ATP8A2: variants seen among roughly 807,000 people sequenced by gnomAD.
The protein encoded by ATP8A2 is ATPase phospholipid transporting 8A2, also known as phospholipid-transporting ATPase IB.
In ATP8A2, 100 loss-of-function variants were observed where a neutral mutation model predicts 165.6. The ratio of observed to expected loss-of-function variants is 0.60; its 90% CI spans 0.51 to 0.71. The LOEUF is 0.71. Ranked by LOEUF, ATP8A2 falls within the 30% of genes least tolerant of loss-of-function variation. The probability of loss-of-function intolerance (pLI) is 0.00; values close to 1 mark genes in which losing one functional copy is unlikely to be tolerated. For missense variants in ATP8A2, 1,227 were observed against 1,479.5 expected (o/e 0.83, Z 2.80); for synonymous variants, 543 against 548.8 (o/e 0.99, Z 0.15).
chr13:25,650,754 T>C (rs538344367), intron 24 of ATP8A2, among the ~76,000 whole-genome samples: 1 of 152,324 alleles, frequency 6.6e-6, no homozygotes, highest in South Asian at 2.1e-4. Context: ...CATGATCTTA[T>C]GGTTTTTCTT....
chr13:25,395,344 C>T (rs115810088), intron 1 of ATP8A2, among the ~76,000 whole-genome samples: 1,544 of 152,036 alleles, frequency 0.01, 26 homozygotes, highest in African/African-American at 0.035. Context: ...TGAGACTCTG[C>T]TTGTCATCCT....
intron 35 of ATP8A2, among the ~76,000 whole-genome samples, chr13:26,009,993 T>C (rs529087521): frequency 6.6e-6 from 1 of 152,064 alleles, no homozygotes; most frequent in Non-Finnish European, 1.5e-5. Flanking sequence ...TTGAACCTAG[T>C]AGGCAGAGGC....
At chr13:25,531,137 G>GTATATATATGTTA (rs1555291004) in intron 4 of ATP8A2, among the ~76,000 whole-genome samples, 1 of 135,520 alleles carries the variant, frequency 7.4e-6, no homozygotes, top group African/African-American at 2.8e-5. Flanking sequence ...GTGTGTGTGT[G>GTATATATATGTTA]TATATATATG....
chr13:25,888,846 G>A (rs1487701445), intron 33 of ATP8A2, among the ~76,000 whole-genome samples: 1 of 152,136 alleles, frequency 6.6e-6, no homozygotes, highest in African/African-American at 2.4e-5. Context: ...GCGACAAGAC[G>A]GAAACTCTTG....
intron 33 of ATP8A2, among the ~76,000 whole-genome samples, chr13:25,874,648 A>G (rs532590185): frequency 3.3e-5 from 5 of 152,298 alleles, no homozygotes; most frequent in Admixed American, 1.3e-4. Context: ...AATATGGAAA[A>G]CAGCACGGAG....
chr13:25,543,033 T>C (rs766019123), intron 9 of ATP8A2, among the ~76,000 whole-genome samples: 16 of 152,188 alleles, frequency 1.1e-4, no homozygotes, highest in Non-Finnish European at 1.6e-4. Flanking sequence ...AACAGGATCA[T>C]GAGAGATATA....
intron 33 of ATP8A2, among the ~76,000 whole-genome samples, chr13:25,938,609 G>A (rs75628828): frequency 0.01 from 1,526 of 152,224 alleles, 25 homozygotes; most frequent in African/African-American, 0.035. Flanking sequence ...GGAATGGATC[G>A]CCAGCTCCTT....
At chr13:25,669,646 A>T (rs76284784) in intron 24 of ATP8A2, among the ~76,000 whole-genome samples, 1 of 152,164 alleles carries the variant, frequency 6.6e-6, no homozygotes, top group East Asian at 1.9e-4. Context: ...CTTCCTTCTT[A>T]GCCTCTGCCT....
chr13:25,930,552 A>C (rs562295600), intron 33 of ATP8A2, among the ~76,000 whole-genome samples: 1 of 152,308 alleles, frequency 6.6e-6, no homozygotes, highest in African/African-American at 2.4e-5. Flanking sequence ...AATGGCATCA[A>C]AATGCTTTCT....
At chr13:25,896,815 GT>G (rs1953567793) in intron 33 of ATP8A2, among the ~76,000 whole-genome samples, 1 of 152,002 alleles carries the variant, frequency 6.6e-6, no homozygotes, top group South Asian at 2.1e-4. Flanking sequence ...TTTGATCTTT[GT>G]TGGTTTAAAG....
chr13:25,496,419 T>G (rs2036681243), intron 2 of ATP8A2, among the ~76,000 whole-genome samples: 1 of 152,142 alleles, frequency 6.6e-6, no homozygotes. Flanking sequence ...GAGAATACTT[T>G]TTTTCTTTTC....
intron 28 of ATP8A2, among the ~76,000 whole-genome samples, chr13:25,833,334 G>A (rs1401851699): frequency 6.6e-6 from 1 of 151,958 alleles, no homozygotes; most frequent in Admixed American, 6.5e-5. Context: ...TGTTTTGGGA[G>A]GAAAGGGGGA....
At chr13:25,471,515 G>A (rs1249919169) in intron 2 of ATP8A2, among the ~76,000 whole-genome samples, 2 of 152,074 alleles carry the variant, frequency 1.3e-5, no homozygotes, top group Admixed American at 1.3e-4. Context: ...GCTAATTTTT[G>A]TATTTTTAGT....
chr13:25,811,254 A>T (rs1950860662), intron 27 of ATP8A2, among the ~76,000 whole-genome samples: 1 of 152,224 alleles, frequency 6.6e-6, no homozygotes, highest in Non-Finnish European at 1.5e-5. Context: ...AATATCAGTG[A>T]CATAATTTTG....
At chr13:25,454,413 G>T (rs2035307820) in intron 1 of ATP8A2, among the ~76,000 whole-genome samples, 1 of 151,950 alleles carries the variant, frequency 6.6e-6, no homozygotes, top group Non-Finnish European at 1.5e-5. Context: ...GAGTAAGAGA[G>T]GTTTACTGGG....
Position 26,012,595 on chromosome 13 carries a change from G to A in ATP8A2, c.3442G>A (p.Gly1148Ser), listed in dbSNP as rs1443448068. 4 of 1,516,410 alleles carry A rather than the reference G, an allele frequency of 2.6e-6. No individual in the cohort carries two copies. The highest frequency in any genetic ancestry group is 1.8e-6 in the Non-Finnish European group (2 of 1,132,650). 93.9% of individuals were successfully genotyped at this position (1,516,410 alleles called of 1,614,324 possible). The change falls in exon 36 of 37, where the codon GGC (glycine) becomes AGC (serine). Residue 1148 changes from glycine (G) to serine (S), a missense_variant. This residue lies in a region of ATP8A2 where 260 missense variants were observed against 245.1 expected (regional missense o/e 1.06). Transcript: ENST00000381655. ...GRKTPPTLFR[G>S]SSLQQGVPHG... Reference sequence around the variant, plus strand: ...GAAGACGCCCCCGACGCTGTTCCGGGGCAGCTCCCTGCAGCAGGGCGTCCC... The same window carrying A: ...GAAGACGCCCCCGACGCTGTTCCGGAGCAGCTCCCTGCAGCAGGGCGTCCC...
intron 1 of ATP8A2, among the ~76,000 whole-genome samples, chr13:25,445,402 C>T (rs937396423): frequency 3.9e-5 from 6 of 152,216 alleles, no homozygotes; most frequent in Admixed American, 6.5e-5. Flanking sequence ...AAATTACTTG[C>T]AGCCTCGTCT....
At chr13:25,832,753 A>C (rs1056916749) in intron 28 of ATP8A2, among the ~76,000 whole-genome samples, 1 of 152,224 alleles carries the variant, frequency 6.6e-6, no homozygotes, top group Non-Finnish European at 1.5e-5. Flanking sequence ...AAATGGTAAA[A>C]TTCTGAAACG....
intron 1 of ATP8A2, among the ~76,000 whole-genome samples, chr13:25,465,703 C>CTTTG: frequency 4.8e-5 from 1 of 20,836 alleles, no homozygotes; most frequent in Non-Finnish European, 1.1e-4. Flanking sequence ...TTCTTTCTTT[C>CTTTG]TTTCTTTCTT....
Sources: allele counts gnomAD v4.1 joint callset (sites outside exome capture counted in the v4.1 genomes callset), GRCh38; gene constraint gnomAD v4.1.1; regional missense constraint gnomAD v4.1.1; transcripts MANE v1.5; gene names NCBI Gene and HGNC (gene_info 2026-07-23, HGNC 2026-07-21).